The following THSD7B variants were observed in gnomAD, a reference collection of about 807,000 sequenced individuals.
THSD7B encodes the protein thrombospondin type-1 domain-containing protein 7B.
THSD7B carries 138 observed loss-of-function variants against 213.6 expected under a neutral mutation model. That is an observed-to-expected ratio of 0.65 (90% CI 0.56 to 0.74). The LOEUF is 0.74. Ranked by LOEUF, THSD7B falls within the 30% of genes least tolerant of loss-of-function variation. The probability of loss-of-function intolerance (pLI) is 0.00; values close to 1 mark genes in which losing one functional copy is unlikely to be tolerated. For missense variants in THSD7B, 1,931 were observed against 1,991.5 expected, an observed-to-expected ratio of 0.97 and a Z score of 0.58; for synonymous variants, 742 against 687.0, an observed-to-expected ratio of 1.08 and a Z score of -1.25.
chr2:137,029,961 G>T (rs550770740), intron 2 of THSD7B, among the ~76,000 whole-genome samples: 1 of 152,078 alleles, frequency 6.6e-6, no homozygotes, highest in African/African-American at 2.4e-5. Context: ...ACTTATATTG[G>T]TCATATATTT....
At chr2:137,430,179 C>G (rs1687144465) in intron 14 of THSD7B, among the ~76,000 whole-genome samples, 1 of 152,084 alleles carries the variant, frequency 6.6e-6, no homozygotes, top group African/African-American at 2.4e-5. Context: ...CCCAGGAATT[C>G]AAGGCTACAG....
intron 5 of THSD7B, 107 bp downstream of exon 5, chr2:137,115,400 T>G (rs1049940514): frequency 7.4e-6 from 9 of 1,218,948 alleles, no homozygotes; most frequent in Non-Finnish European, 9.7e-6. Context: ...CATTCACACA[T>G]TTAATATTTA....
intron 12 of THSD7B, among the ~76,000 whole-genome samples, chr2:137,377,797 TTG>T (rs1685692056): frequency 6.6e-6 from 1 of 152,002 alleles, no homozygotes; most frequent in Non-Finnish European, 1.5e-5. Flanking sequence ...TGGCTAATTT[TTG>T]TGTCTTTAGT....
intron 12 of THSD7B, among the ~76,000 whole-genome samples, chr2:137,390,393 C>G (rs1458973735): frequency 6.6e-6 from 1 of 151,982 alleles, no homozygotes; most frequent in African/African-American, 2.4e-5. Flanking sequence ...ATTTTATATT[C>G]TACAACTCAT....
At position 137,056,456 on chromosome 2, in the gene THSD7B, G is replaced by C. The variant is rs746548965; in HGVS notation, c.176G>C (p.Gly59Ala). Reference protein sequence around the residue: ...WGRCTGDCGPGGVQSRAVWCF... With the variant: ...WGRCTGDCGPAGVQSRAVWCF... ...AGGTGTACAGGAGACTGTGGTCCCG[G>C]AGGAGTCCAGAGTCGGGCAGTGTGG... The change falls in exon 3 of 28, where the codon GGA (glycine) becomes GCA (alanine). Residue 59 changes from glycine to alanine, a missense_variant. Coordinates refer to ENST00000409968, the MANE Select transcript of THSD7B (RefSeq NM_001316349.2). The C allele has an allele frequency of 1.1e-5, 18 of 1,613,834 alleles. No individual in the cohort carries two copies. The highest frequency in any genetic ancestry group is 1.5e-5 in the Non-Finnish European group (18 of 1,179,880).
chr2:136,917,531 G>A (rs1228876423), intron 2 of THSD7B, among the ~76,000 whole-genome samples: 4 of 152,164 alleles, frequency 2.6e-5, no homozygotes, highest in African/African-American at 9.7e-5. Flanking sequence ...CAGTGCTTAA[G>A]TAGTATGAGC....
intron 15 of THSD7B, among the ~76,000 whole-genome samples, chr2:137,557,052 G>C (rs1680986425): frequency 6.6e-6 from 1 of 152,138 alleles, no homozygotes; most frequent in East Asian, 1.9e-4. Flanking sequence ...CAAGTCCTTA[G>C]AGACCTACAA....
chr2:136,777,004 T>C (rs1209181779), intron 1 of THSD7B, among the ~76,000 whole-genome samples: 23 of 152,096 alleles, frequency 1.5e-4, no homozygotes, highest in African/African-American at 5.3e-4. Context: ...TTCTCAGCTG[T>C]TGGGACTCGA....
intron 17 of THSD7B, among the ~76,000 whole-genome samples, chr2:137,588,510 A>G (rs1325100876): frequency 2.1e-5 from 3 of 143,516 alleles, no homozygotes; most frequent in Middle Eastern, 3.6e-3. Context: ...TCTCCATTTT[A>G]TCTTGTGGTT....
chr2:137,467,301 C>T lies in THSD7B; in HGVS notation c.3138+16278C>T, dbSNP rs1688015093. On this transcript the variant is annotated intron_variant, in intron 15 of 27. Transcript: ENST00000409968. Reference sequence around the variant, plus strand: ...GGGGTGGTGACAGCAATGTCTCAGTCACACCTGGAATACATTTGTTATATA... The same window carrying T: ...GGGGTGGTGACAGCAATGTCTCAGTTACACCTGGAATACATTTGTTATATA... Among the ~76,000 whole-genome samples the T allele has an allele frequency of 2.0e-5, 3 of 152,154 alleles. No homozygotes were observed. In the South Asian group the frequency reaches 6.2e-4, roughly 32 times the overall value.
chr2:137,135,927 A>T (rs181776766), intron 5 of THSD7B, among the ~76,000 whole-genome samples: 3 of 152,250 alleles, frequency 2.0e-5, no homozygotes, highest in Admixed American at 1.3e-4. Context: ...GAACTACTTG[A>T]TAAAGAAAAT....
intron 1 of THSD7B, among the ~76,000 whole-genome samples, chr2:136,783,011 A>G (rs1473567180): frequency 2.6e-5 from 4 of 152,202 alleles, no homozygotes; most frequent in Non-Finnish European, 4.4e-5. Flanking sequence ...GCAAACATCC[A>G]GGCAGAACTG....
At chr2:137,520,006 G>A (rs2105165012) in intron 15 of THSD7B, among the ~76,000 whole-genome samples, 1 of 152,320 alleles carries the variant, frequency 6.6e-6, no homozygotes, top group South Asian at 2.1e-4. Context: ...GAGCCCTGAG[G>A]CATGGAGAAT....
Position 137,457,515 on chromosome 2 carries a change from T to C in THSD7B, c.3138+6492T>C, listed in dbSNP as rs149521612. 2.7e-3 allele frequency among the ~76,000 whole-genome samples: 414 copies of C among 152,262 alleles called. 2 individuals carry two copies. Among genetic ancestry groups the C allele is most frequent in the African/African-American group, 9.5e-3 (394 of 41,562 alleles). On this transcript the variant is annotated intron_variant, in intron 15 of 27. Coordinates refer to ENST00000409968, the MANE Select transcript of THSD7B (RefSeq NM_001316349.2). ...CACTGTCCTCCCACATCTCATATTATCCCTAATCCCTTAACTCCTAAAGCC... is the reference window on the plus strand; with the variant it reads ...CACTGTCCTCCCACATCTCATATTACCCCTAATCCCTTAACTCCTAAAGCC...
At chr2:137,659,971 A>T (rs1479891663) in intron 25 of THSD7B, among the ~76,000 whole-genome samples, 4 of 152,142 alleles carry the variant, frequency 2.6e-5, no homozygotes, top group Non-Finnish European at 5.9e-5. Flanking sequence ...CTATCTTTCA[A>T]ATACCTAATT....
intron 2 of THSD7B, among the ~76,000 whole-genome samples, chr2:137,040,302 T>A (rs1408682329): frequency 6.6e-6 from 1 of 152,028 alleles, no homozygotes; most frequent in South Asian, 2.1e-4. Flanking sequence ...TTATTTTGAT[T>A]CTTCTCTTCC....
At chr2:137,196,138 A>T (rs962309615) in intron 7 of THSD7B, among the ~76,000 whole-genome samples, 3 of 152,192 alleles carry the variant, frequency 2.0e-5, no homozygotes, top group Admixed American at 2.0e-4. Context: ...CAGAACAAGA[A>T]ATAGTGTTCA....
chr2:137,602,493 C>T (rs187250433), intron 17 of THSD7B, among the ~76,000 whole-genome samples: 162 of 152,216 alleles, frequency 1.1e-3, no homozygotes, highest in African/African-American at 3.7e-3. Flanking sequence ...TGGTCTCAAT[C>T]TCCTGACCTC....
rs182798494 is a variant in THSD7B at position 137,060,278 on chromosome 2, G to A, written c.950+3048G>A. Among the ~76,000 whole-genome samples, 30 of 152,072 alleles carry A rather than the reference G, an allele frequency of 2.0e-4. 1 individual carries two copies. The highest frequency in any genetic ancestry group is 1.8e-3 in the Admixed American group (28 of 15,256). ...TGGATACCAGTCCTTTATCAGATAT[G>A]TGTTTTGCAAATATTTTTGACAGTC... On this transcript the variant is annotated intron_variant, in intron 3 of 27. Coordinates refer to ENST00000409968, the MANE Select transcript of THSD7B (RefSeq NM_001316349.2).
Sources: allele counts gnomAD v4.1 joint callset (sites outside exome capture counted in the v4.1 genomes callset), GRCh38; gene constraint gnomAD v4.1.1; transcripts MANE v1.5; gene names NCBI Gene and HGNC (gene_info 2026-07-23, HGNC 2026-07-21).